The following SSTR3 variants were observed in gnomAD, a reference collection of about 807,000 sequenced individuals.
SSTR3 encodes the protein somatostatin receptor type 3.
For missense variants in SSTR3, 504 were observed against 604.7 expected, an observed-to-expected ratio of 0.83 and a Z score of 1.75; for synonymous variants, 281 against 269.2, an observed-to-expected ratio of 1.04 and a Z score of -0.43.
Position 37,212,251 on chromosome 22 carries a change from G to C in SSTR3, c.-463C>G. ...AGAGGGAGGGGGAGAGAGAGAGAGG[G>C]AGAGGGAGAGGAGACCGTGAGTAGG... On this transcript the variant is annotated 5_prime_UTR_variant, in exon 1 of 2. Coordinates refer to ENST00000610913, the MANE Select transcript of SSTR3 (RefSeq NM_001051.5). 1 of 598,032 alleles carries C rather than the reference G, an allele frequency of 1.7e-6. No homozygotes were observed. 37.0% of individuals were successfully genotyped at this position (598,032 alleles called of 1,614,324 possible).
At chr22:37,208,820 CCCAT>C (rs1286412600) in intron 1 of SSTR3, among the ~76,000 whole-genome samples, 3 of 152,180 alleles carry the variant, frequency 2.0e-5, no homozygotes, top group African/African-American at 7.2e-5. Context: ...TGCTTTCTGC[CCCAT>C]CACTTCCGCA....
Position 37,210,669 on chromosome 22 carries a change from G to GGGGGC in SSTR3, c.-37+1151_-37+1155dup, listed in dbSNP as rs1477874785. ...TTTGGCACAAGCTTGCCTGAAAGCTGGGGGCGGACTCCTTGGAGGACTGTT... is the reference window on the plus strand; with the variant it reads ...TTTGGCACAAGCTTGCCTGAAAGCTGGGGGCGGGGCGGACTCCTTGGAGGACTGTT... On this transcript the variant is annotated intron_variant, in intron 1 of 1. Transcript: ENST00000610913. 1.8e-5 allele frequency: 18 copies of GGGGGC among 985,482 alleles called. No homozygotes were observed. In the African/African-American group the frequency reaches 2.6e-4, roughly 14 times the overall value. The allele number at this position is 985,482 out of a possible 1,614,324, so 61.0% of individuals were successfully genotyped here. A position where few individuals can be genotyped will look rare whatever the true frequency, so the allele number is the denominator to read the frequency against.
chr22:37,217,123 A>G (rs1051199961), upstream of SSTR3, among the ~76,000 whole-genome samples: 14 of 151,966 alleles, frequency 9.2e-5, no homozygotes, highest in African/African-American at 3.4e-4. Context: ...TTGATGTAGC[A>G]TAGCTCCCAG....
chr22:37,210,867 G>A, intron 1 of SSTR3: 1 of 985,432 alleles, frequency 1.0e-6, no homozygotes, highest in African/African-American at 1.7e-5. Flanking sequence ...CCAGAACCTA[G>A]GACATCACCC....
upstream of SSTR3, among the ~76,000 whole-genome samples, chr22:37,214,166 G>A (rs753526403): frequency 1.5e-4 from 23 of 152,260 alleles, no homozygotes; most frequent in South Asian, 4.1e-4. Flanking sequence ...ACAGGCTCCC[G>A]TCTGAGCCAG....
chr22:37,208,003 G>A (rs887334537), intron 1 of SSTR3, among the ~76,000 whole-genome samples, 164 bp from the exon 2 acceptor site: 13 of 152,128 alleles, frequency 8.5e-5, no homozygotes, highest in Admixed American at 2.0e-4. Flanking sequence ...CATTCACCCC[G>A]CACAGCCCCG....
chr22:37,210,433 C>G (rs1032297761), intron 1 of SSTR3: 3 of 852,366 alleles, frequency 3.5e-6, no homozygotes, highest in Non-Finnish European at 1.4e-6. Context: ...CTGGCCCCCT[C>G]CTGGAAAACC....
At chr22:37,215,190 AG>A (rs1272631898), upstream of SSTR3, among the ~76,000 whole-genome samples, 2 of 152,202 alleles carry the variant, frequency 1.3e-5, no homozygotes, top group African/African-American at 4.8e-5. Context: ...CGTGGATTAT[AG>A]TGAACCTGTA....
At chr22:37,216,589 G>A (rs1055602356), upstream of SSTR3, among the ~76,000 whole-genome samples, 1 of 152,186 alleles carries the variant, frequency 6.6e-6, no homozygotes, top group African/African-American at 2.4e-5. Context: ...CAGCCTCAGG[G>A]ACGATTTCGT....
At position 37,212,095 on chromosome 22, in the gene SSTR3, G is replaced by C; in HGVS notation, c.-307C>G. 1 of 985,638 alleles carries C rather than the reference G, an allele frequency of 1.0e-6. No individual in the cohort carries two copies. The highest frequency in any genetic ancestry group is 1.2e-6 in the Non-Finnish European group (1 of 830,146). The allele number at this position is 985,638 out of a possible 1,614,324, so 61.1% of individuals were successfully genotyped here. On this transcript the variant is annotated 5_prime_UTR_variant, in exon 1 of 2. Transcript: ENST00000610913. ...CATCTCCAGGACACATCCTGGGGGGGCAGGGGCAAGGATAGGGGGGAGAAG... is the reference window on the plus strand; with the variant it reads ...CATCTCCAGGACACATCCTGGGGGGCCAGGGGCAAGGATAGGGGGGAGAAG...
At chr22:37,214,837 C>A (rs1465756159), upstream of SSTR3, among the ~76,000 whole-genome samples, 1 of 152,178 alleles carries the variant, frequency 6.6e-6, no homozygotes, top group Non-Finnish European at 1.5e-5. Flanking sequence ...CGAGCCTCAG[C>A]CTGCGCTTCC....
the SSTR3 span, among the ~76,000 whole-genome samples, chr22:37,217,684 T>C: frequency 6.6e-6 from 1 of 151,370 alleles, no homozygotes; most frequent in Non-Finnish European, 1.5e-5. Context: ...TTTTATTTTA[T>C]TTTTTTGTTT....
intron 1 of SSTR3, among the ~76,000 whole-genome samples, chr22:37,211,357 C>G (rs964946181): frequency 3.3e-5 from 5 of 152,236 alleles, no homozygotes; most frequent in African/African-American, 9.6e-5. Context: ...GGGGCTTGGG[C>G]TCTGCTGCAC....
In SSTR3 at chr22:37,207,680, C is replaced by T. The variant is rs777044647; in HGVS notation, c.124G>A (p.Val42Ile). Residue 42 changes from valine (V) to isoleucine (I), a missense_variant, in exon 2 of 2, where the codon GTC becomes ATC. Coordinates refer to ENST00000610913, the MANE Select transcript of SSTR3 (RefSeq NM_001051.5). ...SAGPSPAGLA[V>I]SGVLIPLVYL... is the part of the protein sequence containing the mutation. Reference sequence around the variant, plus strand: ...ACCAGGGGGATCAGAACGCCACTGACGGCCAGCCCTGCCGGGCTTGGGCCC... The same window carrying T: ...ACCAGGGGGATCAGAACGCCACTGATGGCCAGCCCTGCCGGGCTTGGGCCC... 1.0e-4 allele frequency: 158 copies of T among 1,570,014 alleles called. No individual in the cohort carries two copies. Among genetic ancestry groups the T allele is most frequent in the East Asian group, 2.0e-4 (9 of 44,326 alleles).
At chr22:37,220,129 G>A in the SSTR3 span, among the ~76,000 whole-genome samples, 1 of 152,156 alleles carries the variant, frequency 6.6e-6, no homozygotes, top group Non-Finnish European at 1.5e-5. Flanking sequence ...TATAAACAGT[G>A]ATGAAGACTG....
the SSTR3 span, among the ~76,000 whole-genome samples, chr22:37,219,484 C>G: frequency 6.6e-6 from 1 of 152,168 alleles, no homozygotes; most frequent in African/African-American, 2.4e-5. Flanking sequence ...TAGGGATATC[C>G]TGGATCTGCC....
Position 37,207,486 on chromosome 22 carries a change from C to T in SSTR3, c.318G>A (p.Leu106=), listed in dbSNP as rs565825427. The T allele has an allele frequency of 6.2e-7, 1 of 1,613,526 alleles. No individual in the cohort carries two copies. The highest frequency in any genetic ancestry group is 8.5e-7 in the Non-Finnish European group (1 of 1,180,014). ...TGAGGGAGCCGAAGGGCCAGTAGGA[C>T]AGGGCGTTCTGGGCGGCCAGGAAGG... is the stretch of plus-strand genomic sequence containing the variant. ...GLPFLAAQNA[L]SYWPFGSLMC... Residue 106 remains leucine, a synonymous_variant, in exon 2 of 2, where the codon CTG becomes CTA. Coordinates refer to ENST00000610913, the MANE Select transcript of SSTR3 (RefSeq NM_001051.5).
upstream of SSTR3, chr22:37,215,854 C>G: frequency 3.4e-6 from 1 of 291,766 alleles, no homozygotes; most frequent in Non-Finnish European, 7.5e-6. Context: ...GTTTCTTGTG[C>G]AGGAATCACT....
chr22:37,212,525 C>T (rs1005336413), upstream of SSTR3, among the ~76,000 whole-genome samples: 1 of 46,348 alleles, frequency 2.2e-5, no homozygotes, highest in African/African-American at 8.4e-5. Context: ...GGGGTGGGGG[C>T]GGGGTGCAGG....
Sources: allele counts gnomAD v4.1 joint callset (sites outside exome capture counted in the v4.1 genomes callset), GRCh38; gene constraint gnomAD v4.1.1; transcripts MANE v1.5; gene names NCBI Gene and HGNC (gene_info 2026-07-23, HGNC 2026-07-21).